The following GATAD2A variants were observed in gnomAD, a reference collection of about 807,000 sequenced individuals.
GATAD2A encodes transcriptional repressor p66-alpha.
In GATAD2A, 12 loss-of-function variants were observed where a neutral mutation model predicts 68.5. The ratio of observed to expected loss-of-function variants is 0.18; its 90% CI spans 0.11 to 0.28. The LOEUF (loss-of-function observed/expected upper bound fraction) is 0.28. GATAD2A is among the 10% of genes least tolerant of loss of function. The pLI, the probability that GATAD2A is intolerant of heterozygous loss-of-function variation, is 1.00. For synonymous variants in GATAD2A, 410 were observed against 375.3 expected, an observed-to-expected ratio of 1.09 and a Z score of -1.07; for missense variants, 755 against 868.5, an observed-to-expected ratio of 0.87 and a Z score of 1.64.
At chr19:19,440,502 C>T in intron 1 of GATAD2A, 3 of 219,830 alleles carry the variant, frequency 1.4e-5, no homozygotes, top group Non-Finnish European at 2.8e-5. Context: ...TCGTGGTCTG[C>T]CCACCTTGGC....
chr19:19,434,726 A>C (rs567645508), intron 1 of GATAD2A, among the ~76,000 whole-genome samples: 1 of 152,234 alleles, frequency 6.6e-6, no homozygotes, highest in South Asian at 2.1e-4. Flanking sequence ...TACAAACCGG[A>C]AGTGGAAGTC....
rs2060869922 is a variant in GATAD2A at position 19,506,422 on chromosome 19, A to G, written c.*948A>G. The G allele has an allele frequency of 1.6e-5, 5 of 307,018 alleles. No homozygotes were observed. Among genetic ancestry groups the G allele is most frequent in the South Asian group, 1.6e-4 (1 of 6,150 alleles). 19.0% of individuals were successfully genotyped at this position (307,018 alleles called of 1,614,324 possible). A position where few individuals can be genotyped will look rare whatever the true frequency, so the allele number is the denominator to read the frequency against. On this transcript the variant is annotated 3_prime_UTR_variant, in exon 12 of 12. Transcript: ENST00000683918. ...TTAAATTTTTTCCTTTTTTCTATTC[A>G]TTTCGATGGACGCAATCTTAAGCCA...
At chr19:19,490,258 A>G (rs1342359999) in intron 2 of GATAD2A, among the ~76,000 whole-genome samples, 2 of 152,104 alleles carry the variant, frequency 1.3e-5, no homozygotes, top group Non-Finnish European at 2.9e-5. Flanking sequence ...GAGGGACCAG[A>G]GGAGAGCAAG....
chr19:19,493,210 A>ATTAC (rs1354652897), intron 4 of GATAD2A, among the ~76,000 whole-genome samples: 1 of 152,204 alleles, frequency 6.6e-6, no homozygotes, highest in Non-Finnish European at 1.5e-5. Flanking sequence ...AAGTGCTGGG[A>ATTAC]TTACAGGCGT....
At chr19:19,502,246 C>CA (rs1254831116) in intron 10 of GATAD2A, 85 bp from the exon 11 acceptor site, 1 of 1,153,064 alleles carries the variant, frequency 8.7e-7, no homozygotes, top group Non-Finnish European at 1.3e-6. Context: ...AGAGGTCAGC[C>CA]AGAGCAAGGA....
intron 1 of GATAD2A, among the ~76,000 whole-genome samples, chr19:19,420,202 A>AAGTAGAGACGG (rs1445790197): frequency 1.6e-5 from 1 of 64,396 alleles, no homozygotes; most frequent in Non-Finnish European, 3.2e-5. Flanking sequence ...TTTTTTTTTT[A>AAGTAGAGACGG]AGTAGAGACG....
chr19:19,410,049 G>A (rs993702051), intron 1 of GATAD2A, among the ~76,000 whole-genome samples: 8 of 152,154 alleles, frequency 5.3e-5, no homozygotes, highest in African/African-American at 1.9e-4. Flanking sequence ...AATGTCACAC[G>A]TTTGCACCAG....
rs756205923 is a variant in GATAD2A at position 19,505,477 on chromosome 19, C to T, written c.*3C>T. ...CCCAGTCAGCCACGTGGAAATAGTG[C>T]GAGCCAGGCCCCGTGGAAGACGGGC... On this transcript the variant is annotated 3_prime_UTR_variant, in exon 12 of 12. Transcript: ENST00000683918. The T allele has an allele frequency of 7.6e-6, 12 of 1,581,604 alleles. No homozygotes were observed. Among genetic ancestry groups the T allele is most frequent in the East Asian group, 4.7e-5 (2 of 42,408 alleles).
At chr19:19,401,605 C>T (rs554729795), upstream of GATAD2A, among the ~76,000 whole-genome samples, 46 of 151,978 alleles carry the variant, frequency 3.0e-4, no homozygotes, top group South Asian at 2.1e-3. Context: ...GGAGTATGTG[C>T]CTGTAGGCTT....
intron 11 of GATAD2A, among the ~76,000 whole-genome samples, chr19:19,505,100 C>T (rs778155411): frequency 6.3e-4 from 96 of 152,232 alleles, no homozygotes; most frequent in Admixed American, 2.0e-3. Context: ...GATTGCCCCA[C>T]ACTTGGGATT....
chr19:19,501,107 T>G lies in GATAD2A; in HGVS notation c.1205-11T>G. Reference sequence around the variant, plus strand: ...GCCCTCTGACGTGAGCCATGTGCTGTCTGCTTGCAGCAGGCAGGATGTCGG... The same window carrying G: ...GCCCTCTGACGTGAGCCATGTGCTGGCTGCTTGCAGCAGGCAGGATGTCGG... On this transcript the variant is annotated splice_polypyrimidine_tract_variant and intron_variant, in intron 8 of 11. Transcript: ENST00000683918. The G allele has an allele frequency of 1.9e-6, 3 of 1,605,302 alleles. No individual in the cohort carries two copies. The highest frequency in any genetic ancestry group is 2.6e-6 in the Non-Finnish European group (3 of 1,173,824).
intron 2 of GATAD2A, among the ~76,000 whole-genome samples, chr19:19,466,505 C>T (rs2057878397): frequency 6.6e-6 from 1 of 152,254 alleles, no homozygotes; most frequent in African/African-American, 2.4e-5. Context: ...TCATAAGGGA[C>T]AGCTGGTGGC....
chr19:19,450,140 C>A (rs568437101), intron 1 of GATAD2A, among the ~76,000 whole-genome samples: 1 of 152,296 alleles, frequency 6.6e-6, no homozygotes, highest in East Asian at 1.9e-4. Context: ...GAACCAAGAA[C>A]TAGAGATGAT....
At chr19:19,463,866 C>T (rs1193829505) in intron 1 of GATAD2A, among the ~76,000 whole-genome samples, 3 of 152,254 alleles carry the variant, frequency 2.0e-5, no homozygotes, top group Admixed American at 6.5e-5. Flanking sequence ...TTCCCTCTGG[C>T]TCCAGGAGCG....
chr19:19,412,521 A>G (rs1226003877), intron 1 of GATAD2A, among the ~76,000 whole-genome samples: 1 of 151,314 alleles, frequency 6.6e-6, no homozygotes, highest in Non-Finnish European at 1.5e-5. Flanking sequence ...AGGCCCTGCT[A>G]CTTGCGAGGC....
chr19:19,424,036 A>C (rs572765999), intron 1 of GATAD2A, among the ~76,000 whole-genome samples: 2 of 151,972 alleles, frequency 1.3e-5, no homozygotes, highest in South Asian at 4.2e-4. Context: ...TGATCCTTCC[A>C]CCTCAGCCTC....
At chr19:19,400,195 AG>A (rs1344860130) in intron 1 of GATAD2A, among the ~76,000 whole-genome samples, 2 of 152,122 alleles carry the variant, frequency 1.3e-5, no homozygotes, top group Non-Finnish European at 2.9e-5. Context: ...AGCACTTCTG[AG>A]CAGTTTGTGC....
intron 1 of GATAD2A, among the ~76,000 whole-genome samples, chr19:19,423,784 C>T (rs2052723974): frequency 6.6e-6 from 1 of 152,130 alleles, no homozygotes; most frequent in African/African-American, 2.4e-5. Context: ...GCCAGGCCCT[C>T]CCACTTGCCC....
intron 1 of GATAD2A, among the ~76,000 whole-genome samples, chr19:19,448,551 C>T (rs1161431473): frequency 1.3e-5 from 2 of 152,188 alleles, no homozygotes; most frequent in African/African-American, 4.8e-5. Flanking sequence ...TGCAGTGGCA[C>T]AATCTCGGCC....
Sources: gnomAD v4.1 joint callset for allele counts (sites outside exome capture counted in the v4.1 genomes callset) on GRCh38, gnomAD v4.1.1 for gene constraint, MANE v1.5 for transcripts, NCBI Gene and HGNC (gene_info 2026-07-23, HGNC 2026-07-21) for gene names.